ZFPM2: variants seen among roughly 807,000 people sequenced by gnomAD.
The protein encoded by ZFPM2 is zinc finger protein, FOG family member 2, also known as zinc finger protein ZFPM2.
A neutral mutation model predicts 98.6 loss-of-function variants in ZFPM2; 20 were observed. The observed-to-expected ratio is 0.20, with a 90% CI of 0.14 to 0.29. ZFPM2 has a LOEUF of 0.29. Ranked by LOEUF, ZFPM2 falls within the 10% of genes least tolerant of loss-of-function variation. The probability of loss-of-function intolerance (pLI) is 1.00; values close to 1 mark genes in which losing one functional copy is unlikely to be tolerated. For missense variants in ZFPM2, 1,310 were observed against 1,388.6 expected (o/e 0.94, Z 0.90); for synonymous variants, 518 against 502.7 (o/e 1.03, Z -0.41).
chr8:105,773,694 A>T (rs1813035657), intron 5 of ZFPM2, among the ~76,000 whole-genome samples: 1 of 151,034 alleles, frequency 6.6e-6, no homozygotes, highest in South Asian at 2.1e-4. Context: ...AAGATAAATA[A>T]AAATAAAATA....
intron 3 of ZFPM2, among the ~76,000 whole-genome samples, chr8:105,506,995 A>AG (rs1393272322): frequency 2.6e-5 from 4 of 152,058 alleles, no homozygotes; most frequent in Non-Finnish European, 5.9e-5. Flanking sequence ...CTCCAAAAAA[A>AG]AAAAAAAAAC....
rs1300416884 is a variant in ZFPM2 at position 105,441,469 on chromosome 8, A to G, written c.200-2811A>G. On this transcript the variant is annotated intron_variant, in intron 2 of 7. Transcript: ENST00000407775. ...GAGAGAGAGAGAAAGAAAGAAAGAAAGAAAGAAAGAAAGAAAGAAAGAAAG... is the reference window on the plus strand; with the variant it reads ...GAGAGAGAGAGAAAGAAAGAAAGAAGGAAAGAAAGAAAGAAAGAAAGAAAG... 2.9e-3 allele frequency among the ~76,000 whole-genome samples: 199 copies of G among 68,238 alleles called. 13 individuals are homozygous for G. Among genetic ancestry groups the G allele is most frequent in the African/African-American group, 0.015 (129 of 8,628 alleles). 44.8% of individuals were successfully genotyped at this position (68,238 alleles called of 152,430 possible).
At chr8:105,486,679 A>G (rs1813236355) in intron 3 of ZFPM2, among the ~76,000 whole-genome samples, 1 of 152,222 alleles carries the variant, frequency 6.6e-6, no homozygotes, top group Non-Finnish European at 1.5e-5. Flanking sequence ...GTAGGTACCT[A>G]GCAATCTAGA....
intron 1 of ZFPM2, among the ~76,000 whole-genome samples, chr8:105,322,796 G>A (rs1181956805): frequency 6.6e-6 from 1 of 152,012 alleles, no homozygotes. Flanking sequence ...GAATAATCTT[G>A]TTAGCAGTTC....
At chr8:105,514,441 C>G (rs1253102240) in intron 3 of ZFPM2, among the ~76,000 whole-genome samples, 2 of 150,204 alleles carry the variant, frequency 1.3e-5, no homozygotes, top group East Asian at 4.0e-4. Flanking sequence ...CTTGATGTAT[C>G]TAGCATCAGT....
At chr8:105,428,970 T>A (rs1194869558) in intron 2 of ZFPM2, among the ~76,000 whole-genome samples, 1 of 152,056 alleles carries the variant, frequency 6.6e-6, no homozygotes, top group Non-Finnish European at 1.5e-5. Context: ...TCTTACCAAG[T>A]CTTAGCACAT....
At chr8:105,746,113 A>G (rs1812337198) in intron 5 of ZFPM2, among the ~76,000 whole-genome samples, 1 of 151,956 alleles carries the variant, frequency 6.6e-6, no homozygotes, top group Non-Finnish European at 1.5e-5. Context: ...AGTGTAGGGA[A>G]TGTGTACTGA....
intron 4 of ZFPM2, among the ~76,000 whole-genome samples, chr8:105,569,279 C>T (rs1410037633): frequency 6.6e-6 from 1 of 152,176 alleles, no homozygotes; most frequent in South Asian, 2.1e-4. Flanking sequence ...CAATGAATAA[C>T]ATTGAATGAA....
chr8:105,383,864 C>T (rs1167440596), intron 1 of ZFPM2, among the ~76,000 whole-genome samples: 1 of 152,130 alleles, frequency 6.6e-6, no homozygotes, highest in Non-Finnish European at 1.5e-5. Context: ...TATATTAACT[C>T]ATTTTAAAAA....
At chr8:105,705,105 A>G (rs1240442818) in intron 5 of ZFPM2, among the ~76,000 whole-genome samples, 1 of 152,148 alleles carries the variant, frequency 6.6e-6, no homozygotes, top group Non-Finnish European at 1.5e-5. Flanking sequence ...AAAGCATGTT[A>G]TCATATTAAA....
At chr8:105,333,697 G>A (rs1452811696) in intron 1 of ZFPM2, among the ~76,000 whole-genome samples, 1 of 151,598 alleles carries the variant, frequency 6.6e-6, no homozygotes, top group Non-Finnish European at 1.5e-5. Context: ...ATAGGGGATG[G>A]GTTAAATAAA....
intron 3 of ZFPM2, among the ~76,000 whole-genome samples, chr8:105,522,265 T>G (rs1207938746): frequency 6.6e-6 from 1 of 152,192 alleles, no homozygotes; most frequent in Non-Finnish European, 1.5e-5. Context: ...ATGATTTTAT[T>G]AAGACTATAT....
chr8:105,763,060 C>CT (rs1213643643), intron 5 of ZFPM2, among the ~76,000 whole-genome samples: 406 of 139,458 alleles, frequency 2.9e-3, no homozygotes, highest in African/African-American at 7.5e-3. Flanking sequence ...TTATTTCTTT[C>CT]TTTTTTTTTT....
chr8:105,764,633 G>T (rs1053629258), intron 5 of ZFPM2, among the ~76,000 whole-genome samples: 1 of 151,662 alleles, frequency 6.6e-6, no homozygotes, highest in African/African-American at 2.4e-5. Flanking sequence ...CTTAGACCTT[G>T]ACTCGATTAT....
intron 5 of ZFPM2, among the ~76,000 whole-genome samples, chr8:105,684,309 T>C (rs1396009691): frequency 1.3e-5 from 2 of 152,142 alleles, no homozygotes; most frequent in African/African-American, 4.8e-5. Flanking sequence ...AGATTTACTT[T>C]TGTCATGAAA....
At chr8:105,631,338 A>T (rs1816751340) in intron 4 of ZFPM2, among the ~76,000 whole-genome samples, 1 of 152,212 alleles carries the variant, frequency 6.6e-6, no homozygotes, top group African/African-American at 2.4e-5. Flanking sequence ...TAACAATAAT[A>T]TTAATGATGA....
chr8:105,504,380 T>G (rs1813655192), intron 3 of ZFPM2, among the ~76,000 whole-genome samples: 1 of 152,166 alleles, frequency 6.6e-6, no homozygotes, highest in East Asian at 1.9e-4. Flanking sequence ...TGGCTCCATG[T>G]CCCTCACATG....
chr8:105,742,172 G>T (rs1285465108), intron 5 of ZFPM2, among the ~76,000 whole-genome samples: 1 of 151,642 alleles, frequency 6.6e-6, no homozygotes, highest in African/African-American at 2.4e-5. Context: ...TGAAGTCAAG[G>T]GTTCAAGACC....
intron 5 of ZFPM2, among the ~76,000 whole-genome samples, chr8:105,666,113 T>C (rs893167083): frequency 5.3e-5 from 8 of 152,206 alleles, no homozygotes; most frequent in African/African-American, 1.9e-4. Flanking sequence ...GTGATTTTAG[T>C]TTCAACTACA....
Sources: allele counts gnomAD v4.1 joint callset (sites outside exome capture counted in the v4.1 genomes callset), GRCh38; gene constraint gnomAD v4.1.1; transcripts MANE v1.5; gene names NCBI Gene and HGNC (gene_info 2026-07-23, HGNC 2026-07-21).